MTREX: variants seen among roughly 807,000 people sequenced by gnomAD.
The protein encoded by MTREX is exosome RNA helicase MTR4.
A neutral mutation model predicts 135.4 loss-of-function variants in MTREX; 76 were observed. The observed-to-expected ratio is 0.56, with a 90% CI of 0.47 to 0.68. MTREX has a LOEUF of 0.68. MTREX is among the 30% of genes least tolerant of loss of function. The pLI is 0.00. For missense variants in MTREX, 920 were observed against 1,262.1 expected (o/e 0.73, Z 4.11); for synonymous variants, 404 against 401.6 (o/e 1.01, Z -0.07).
At chr5:55,308,659 A>T (rs964366604) in intron 1 of MTREX, among the ~76,000 whole-genome samples, 1 of 152,188 alleles carries the variant, frequency 6.6e-6, no homozygotes, top group African/African-American at 2.4e-5. Context: ...ATACACGTGT[A>T]AAGTGCCTAA....
At chr5:55,367,539 CATT>C (rs1349021972) in intron 16 of MTREX, among the ~76,000 whole-genome samples, 2 of 150,766 alleles carry the variant, frequency 1.3e-5, no homozygotes, top group Admixed American at 6.6e-5. Context: ...CACCATTTCT[CATT>C]ATAAAAGAGT....
At chr5:55,312,206 A>G (rs77186475) in intron 1 of MTREX, among the ~76,000 whole-genome samples, 3,578 of 152,302 alleles carry the variant, frequency 0.023, 55 homozygotes, top group Non-Finnish European at 0.028. Flanking sequence ...TAAAAAAGGC[A>G]TTGTCTCATC....
intron 5 of MTREX, 100 bp downstream of exon 5, chr5:55,328,911 G>C: frequency 1.5e-6 from 1 of 657,934 alleles, no homozygotes; most frequent in Non-Finnish European, 2.6e-6. Context: ...GGTTTTACTT[G>C]TCCCTTTTGA....
At chr5:55,370,298 C>T (rs1166341723) in intron 16 of MTREX, among the ~76,000 whole-genome samples, 2 of 152,180 alleles carry the variant, frequency 1.3e-5, no homozygotes, top group Admixed American at 6.5e-5. Flanking sequence ...AGAAGTATAT[C>T]TCTGGCTGCA....
intron 16 of MTREX, among the ~76,000 whole-genome samples, chr5:55,372,860 G>A (rs1750225760): frequency 6.8e-6 from 1 of 147,996 alleles, no homozygotes; most frequent in African/African-American, 2.6e-5. Flanking sequence ...AAGAAAAAAA[G>A]AAATTGGATT....
At chr5:55,311,933 G>T (rs1749119618) in intron 1 of MTREX, among the ~76,000 whole-genome samples, 1 of 151,996 alleles carries the variant, frequency 6.6e-6, no homozygotes. Context: ...ATATATACTG[G>T]ACTGCTCTGA....
chr5:55,366,865 A>G lies in MTREX; in HGVS notation c.1800A>G (p.Gly600=). 1 of 1,604,510 alleles carries G rather than the reference A, an allele frequency of 6.2e-7. No individual in the cohort carries two copies. Among genetic ancestry groups the G allele is most frequent in the Non-Finnish European group, 8.5e-7 (1 of 1,175,246 alleles). ...YQFQHYRAIP[G]VVEKVKNSEE... is the part of the protein sequence containing the mutation. Reference sequence around the variant, plus strand: ...TTCAGCATTATAGAGCAATTCCAGGAGTAGTAGAGAGTAAGTATAAAATAC... The same window carrying G: ...TTCAGCATTATAGAGCAATTCCAGGGGTAGTAGAGAGTAAGTATAAAATAC... Residue 600 remains glycine (G), a synonymous_variant, in exon 16 of 27, where the codon GGA becomes GGG. Coordinates refer to ENST00000230640, the MANE Select transcript of MTREX (RefSeq NM_015360.5).
At chr5:55,394,802 G>A (rs112667153) in intron 19 of MTREX, among the ~76,000 whole-genome samples, 67 of 151,908 alleles carry the variant, frequency 4.4e-4, no homozygotes, top group African/African-American at 1.5e-3. Flanking sequence ...GGAGGCAAAG[G>A]CGGGCAGATC....
Position 55,332,906 on chromosome 5 carries a change from A to T in MTREX, c.515+4095A>T, listed in dbSNP as rs557305838. Reference sequence around the variant, plus strand: ...CTTATCTATTATTAGTTCCTTCCAGACCTTGGCTTATCTGGTCATTGTGTT... The same window carrying T: ...CTTATCTATTATTAGTTCCTTCCAGTCCTTGGCTTATCTGGTCATTGTGTT... On this transcript the variant is annotated intron_variant, in intron 5 of 26. Coordinates refer to ENST00000230640, the MANE Select transcript of MTREX (RefSeq NM_015360.5). 2.6e-5 allele frequency among the ~76,000 whole-genome samples: 4 copies of T among 152,224 alleles called. No homozygotes were observed. In the East Asian group the frequency reaches 7.7e-4, roughly 29 times the overall value.
intron 14 of MTREX, chr5:55,357,052 T>G (rs1273938951): frequency 6.5e-6 from 1 of 154,018 alleles, no homozygotes; most frequent in African/African-American, 2.4e-5. Flanking sequence ...AGGGATCAGT[T>G]GTATCAACAT....
At chr5:55,368,217 A>G (rs190857607) in intron 16 of MTREX, among the ~76,000 whole-genome samples, 88 of 152,234 alleles carry the variant, frequency 5.8e-4, no homozygotes, top group South Asian at 3.5e-3. Flanking sequence ...TGCGAGGCCC[A>G]GGGGGGCAGA....
intron 13 of MTREX, among the ~76,000 whole-genome samples, chr5:55,351,323 G>A (rs748748148): frequency 2.6e-5 from 4 of 151,946 alleles, no homozygotes; most frequent in Admixed American, 6.6e-5. Flanking sequence ...ACCTGAGGTC[G>A]GGAGTTCGAG....
intron 1 of MTREX, among the ~76,000 whole-genome samples, chr5:55,320,222 T>C (rs1285709445): frequency 1.3e-5 from 2 of 150,246 alleles, no homozygotes; most frequent in Admixed American, 6.6e-5. Context: ...AAAAAGTCTT[T>C]TTTTTTTTTT....
chr5:55,361,012 A>G (rs1421274621), intron 15 of MTREX, among the ~76,000 whole-genome samples: 1 of 152,242 alleles, frequency 6.6e-6, no homozygotes, highest in Non-Finnish European at 1.5e-5. Flanking sequence ...TTCAGAGTTT[A>G]TGCTTCTAAC....
chr5:55,404,908 A>G (rs991299172), intron 21 of MTREX, among the ~76,000 whole-genome samples: 2 of 151,258 alleles, frequency 1.3e-5, no homozygotes, highest in African/African-American at 2.4e-5. Flanking sequence ...GGTTAAAGCA[A>G]TTCTCCTGCC....
rs755349658 is a variant in MTREX, at chr5:55,324,186, G to A, written c.327G>A (p.Gly109=). 2.5e-6 allele frequency: 4 copies of A among 1,609,374 alleles called. No homozygotes were observed. The highest frequency in any genetic ancestry group is 1.7e-5 in the Admixed American group (1 of 59,692). The change falls in exon 3 of 27, where the codon GGG becomes GGA. Residue 109 remains glycine, a synonymous_variant. Transcript: ENST00000230640. ...VKVQSVETVE[G]CTHEVALPAE... Reference sequence around the variant, plus strand: ...TACAATCAGTTGAAACTGTTGAAGGGTGTACACATGAGGTAAGCACAAACA... The same window carrying A: ...TACAATCAGTTGAAACTGTTGAAGGATGTACACATGAGGTAAGCACAAACA...
At chr5:55,334,514 G>GTA (rs2112047385) in intron 5 of MTREX, among the ~76,000 whole-genome samples, 1 of 152,102 alleles carries the variant, frequency 6.6e-6, no homozygotes, top group East Asian at 1.9e-4. Flanking sequence ...TAACGTGTTG[G>GTA]TATCAGGTTG....
At chr5:55,413,618 G>T (rs886756996) in intron 23 of MTREX, among the ~76,000 whole-genome samples, 1 of 152,122 alleles carries the variant, frequency 6.6e-6, no homozygotes, top group East Asian at 1.9e-4. Flanking sequence ...TTCAGAAATT[G>T]ACAGAATTTT....
intron 22 of MTREX, among the ~76,000 whole-genome samples, chr5:55,408,650 C>G (rs1750841713): frequency 6.6e-6 from 1 of 151,824 alleles, no homozygotes; most frequent in Non-Finnish European, 1.5e-5. Context: ...TCAATTGAAC[C>G]CTGATTATAG....
Sources: allele counts gnomAD v4.1 joint callset (sites outside exome capture counted in the v4.1 genomes callset), GRCh38; gene constraint gnomAD v4.1.1; transcripts MANE v1.5; gene names NCBI Gene and HGNC (gene_info 2026-07-23, HGNC 2026-07-21).